Variants in SHCBP1 observed in about 807,000 individuals in gnomAD.
SHCBP1 encodes SHC binding and spindle associated 1.
In SHCBP1, 60 loss-of-function variants were observed where a neutral mutation model predicts 75.1. The observed-to-expected ratio is 0.80, with a 90% CI of 0.65 to 0.99. The LOEUF is 0.99. SHCBP1 is among the 50% of genes least tolerant of loss of function. The probability of loss-of-function intolerance (pLI) is 0.00; values close to 1 mark genes in which losing one functional copy is unlikely to be tolerated. For synonymous variants in SHCBP1, 290 were observed against 293.2 expected, an observed-to-expected ratio of 0.99 and a Z score of 0.11; for missense variants, 709 against 809.4, an observed-to-expected ratio of 0.88 and a Z score of 1.50.
chr16:46,585,361 G>C (rs1040217534), intron 10 of SHCBP1, among the ~76,000 whole-genome samples: 1 of 151,972 alleles, frequency 6.6e-6, no homozygotes, highest in African/African-American at 2.4e-5. Context: ...TATAAAACAA[G>C]CATAAGACTG....
At chr16:46,598,325 G>A (rs1218995888) in intron 9 of SHCBP1, among the ~76,000 whole-genome samples, 1 of 152,110 alleles carries the variant, frequency 6.6e-6, no homozygotes, top group South Asian at 2.1e-4. Context: ...TTTGAAAGTC[G>A]AAATTACTCC....
chr16:46,621,371 G>A lies in SHCBP1; in HGVS notation c.-12C>T, dbSNP rs1445616735. 1.9e-6 allele frequency: 3 copies of A among 1,609,934 alleles called. No homozygotes were observed. Among genetic ancestry groups the A allele is most frequent in the Non-Finnish European group, 2.5e-6 (3 of 1,178,242 alleles). On this transcript the variant is annotated 5_prime_UTR_variant, in exon 1 of 13. Coordinates refer to ENST00000303383, the MANE Select transcript of SHCBP1 (RefSeq NM_024745.5). ...GACCCGTCAGCCATTTCAAATTTCCGCGGACGGCAGCCCAGGCAACGACGT... is the reference window on the plus strand; with the variant it reads ...GACCCGTCAGCCATTTCAAATTTCCACGGACGGCAGCCCAGGCAACGACGT...
intron 9 of SHCBP1, among the ~76,000 whole-genome samples, chr16:46,597,524 T>C (rs1309586516): frequency 1.3e-5 from 2 of 152,230 alleles, no homozygotes. Flanking sequence ...TAACAATATA[T>C]ACATCTTAAT....
chr16:46,583,185 C>T (rs1010655591), intron 12 of SHCBP1, among the ~76,000 whole-genome samples: 1 of 152,150 alleles, frequency 6.6e-6, no homozygotes, highest in African/African-American at 2.4e-5. Flanking sequence ...TGTCACACAC[C>T]CACCATAGCA....
At chr16:46,592,229 G>A (rs898809484) in intron 10 of SHCBP1, among the ~76,000 whole-genome samples, 3 of 151,870 alleles carry the variant, frequency 2.0e-5, no homozygotes, top group Non-Finnish European at 2.9e-5. Context: ...TCTCAAAAGA[G>A]AGAAGACACA....
At chr16:46,592,408 A>T (rs1185940348) in intron 10 of SHCBP1, among the ~76,000 whole-genome samples, 1 of 152,212 alleles carries the variant, frequency 6.6e-6, no homozygotes, top group Non-Finnish European at 1.5e-5. Flanking sequence ...AATATGAAAT[A>T]GGTCATTTGA....
At chr16:46,595,720 C>T (rs748752680) in intron 9 of SHCBP1, 50 bp from the exon 10 acceptor site, 1 of 1,406,326 alleles carries the variant, frequency 7.1e-7, no homozygotes, top group Admixed American at 1.7e-5. Context: ...GTGCCTTTTC[C>T]AATGTTAGAG....
chr16:46,594,024 G>A (rs1256128635), intron 10 of SHCBP1, among the ~76,000 whole-genome samples: 3 of 152,004 alleles, frequency 2.0e-5, no homozygotes, highest in Non-Finnish European at 4.4e-5. Flanking sequence ...ATTGGTGGAG[G>A]GATGGCTACA....
intron 12 of SHCBP1, 105 bp downstream of exon 12, chr16:46,583,411 C>A: frequency 8.0e-7 from 1 of 1,243,654 alleles, no homozygotes. Context: ...CAAGCATATC[C>A]CAACAACCTT....
At position 46,615,787 on chromosome 16, in the gene SHCBP1, T is replaced by C. The variant is rs530249674; in HGVS notation, c.596+159A>G. Among the ~76,000 whole-genome samples, 395 of 152,290 alleles carry C rather than the reference T, an allele frequency of 2.6e-3. 2 individuals are homozygous for C. Among genetic ancestry groups the C allele is most frequent in the African/African-American group, 9.1e-3 (380 of 41,562 alleles). On this transcript the variant is annotated intron_variant, in intron 4 of 12. Transcript: ENST00000303383. ...GATTTAAAACATTTTTAATTTTTTT[T>C]AATTTAAAAAAGATTATCCTATCTT...
chr16:46,590,306 A>AT (rs1332834316), intron 10 of SHCBP1, among the ~76,000 whole-genome samples: 2 of 152,250 alleles, frequency 1.3e-5, no homozygotes, highest in East Asian at 3.8e-4. Context: ...AAAAGCCAAA[A>AT]TTGACAAATG....
chr16:46,618,761 C>T (rs1965542184), intron 1 of SHCBP1, among the ~76,000 whole-genome samples: 1 of 152,194 alleles, frequency 6.6e-6, no homozygotes. Flanking sequence ...CCTGTCTCAG[C>T]CTCCTGAGTA....
intron 4 of SHCBP1, among the ~76,000 whole-genome samples, chr16:46,609,074 G>A (rs1596685858): frequency 6.6e-6 from 1 of 152,272 alleles, no homozygotes; most frequent in East Asian, 1.9e-4. Flanking sequence ...CATAAACCTG[G>A]TAGCTATCAA....
chr16:46,594,642 G>A (rs1965105717), intron 10 of SHCBP1, among the ~76,000 whole-genome samples: 1 of 151,940 alleles, frequency 6.6e-6, no homozygotes, highest in Non-Finnish European at 1.5e-5. Flanking sequence ...AACATTGCTA[G>A]TAGGATGGTA....
At chr16:46,602,879 C>A (rs1965263542) in intron 8 of SHCBP1, among the ~76,000 whole-genome samples, 1 of 152,226 alleles carries the variant, frequency 6.6e-6, no homozygotes, top group Admixed American at 6.5e-5. Context: ...GATCTGCCCA[C>A]CTCGGCCTCC....
Position 46,604,282 on chromosome 16 carries a change from G to A in SHCBP1, c.869C>T (p.Ser290Leu), listed in dbSNP as rs138864591. 1.6e-4 allele frequency: 253 copies of A among 1,613,974 alleles called. No homozygotes were observed. Among genetic ancestry groups the A allele is most frequent in the Middle Eastern group, 6.6e-4 (4 of 6,082 alleles). ...ISMVEGLKLY[S>L]EMEQLKQKLK... ...CTTTTGTTTCAACTGTTCCATCTCC[G>A]AATACAATTTTAACCCTTCCACCAT... is the stretch of plus-strand genomic sequence containing the variant. Residue 290 changes from serine to leucine, a missense_variant, in exon 6 of 13, where the codon TCG (serine) becomes TTG (leucine). Transcript: ENST00000303383.
rs1964834177 is a variant in SHCBP1 at position 46,579,150 on chromosome 16, T to C, written c.*2579A>G. On this transcript the variant is annotated 3_prime_UTR_variant, in exon 13 of 13. Transcript: ENST00000303383. ...CAAAATAGAATTTTGCTACCTGCCA[T>C]AAATTCAAGGTCACACTAAGAGTGG... is the stretch of plus-strand genomic sequence containing the variant. Among the ~76,000 whole-genome samples, 2 of 152,222 alleles carry C rather than the reference T, an allele frequency of 1.3e-5. No individual in the cohort carries two copies. Among genetic ancestry groups the C allele is most frequent in the African/African-American group, 4.8e-5 (2 of 41,464 alleles).
intron 10 of SHCBP1, among the ~76,000 whole-genome samples, chr16:46,592,023 T>C (rs1965054913): frequency 6.6e-6 from 1 of 151,340 alleles, no homozygotes; most frequent in Non-Finnish European, 1.5e-5. Flanking sequence ...AAATCAATAA[T>C]CTAATCTCTC....
At chr16:46,615,063 C>A (rs528805184) in intron 4 of SHCBP1, among the ~76,000 whole-genome samples, 1 of 152,332 alleles carries the variant, frequency 6.6e-6, no homozygotes, top group East Asian at 1.9e-4. Context: ...AATCCCTCTT[C>A]TTCCTCTTCC....
Sources: allele counts gnomAD v4.1 joint callset (sites outside exome capture counted in the v4.1 genomes callset), GRCh38; gene constraint gnomAD v4.1.1; transcripts MANE v1.5; gene names NCBI Gene and HGNC (gene_info 2026-07-23, HGNC 2026-07-21).